RFX4: variants seen among roughly 807,000 people sequenced by gnomAD.
RFX4 encodes the protein transcription factor RFX4.
Under a neutral mutation model 95.0 loss-of-function variants are expected in RFX4, and 10 were observed. That is an observed-to-expected ratio of 0.11 (90% confidence interval 0.06 to 0.18). The LOEUF (loss-of-function observed/expected upper bound fraction) is 0.18. Among genes scored for constraint, RFX4 ranks in the 10% least tolerant of loss-of-function variants. The probability of loss-of-function intolerance (pLI) is 1.00; values close to 1 mark genes in which losing one functional copy is unlikely to be tolerated. For synonymous variants in RFX4, 321 were observed against 340.7 expected (o/e 0.94, Z 0.64); for missense variants, 640 against 922.0 (o/e 0.69, Z 3.96).
At chr12:106,653,291 G>T (rs957451578) in intron 3 of RFX4, among the ~76,000 whole-genome samples, 1 of 152,134 alleles carries the variant, frequency 6.6e-6, no homozygotes, top group Admixed American at 6.6e-5. Flanking sequence ...TTTAGCACAC[G>T]GTCAGGACAT....
chr12:106,744,221 G>A (rs528856778), intron 15 of RFX4, among the ~76,000 whole-genome samples: 9 of 152,260 alleles, frequency 5.9e-5, no homozygotes, highest in African/African-American at 2.2e-4. Flanking sequence ...TATAAATCAA[G>A]CCTAACATGT....
intron 4 of RFX4, among the ~76,000 whole-genome samples, chr12:106,678,293 G>A (rs1181086295): frequency 6.6e-6 from 1 of 152,124 alleles, no homozygotes; most frequent in African/African-American, 2.4e-5. Context: ...CAAGGGCTTG[G>A]CCTGTGTTGC....
chr12:106,619,432 A>C (rs1308235906), intron 2 of RFX4, among the ~76,000 whole-genome samples: 1 of 152,188 alleles, frequency 6.6e-6, no homozygotes, highest in African/African-American at 2.4e-5. Flanking sequence ...GGGTCCAAAA[A>C]TGTCTATTGA....
chr12:106,677,746 A>AT (rs2041422382), intron 4 of RFX4, among the ~76,000 whole-genome samples: 1 of 152,134 alleles, frequency 6.6e-6, no homozygotes, highest in South Asian at 2.1e-4. Flanking sequence ...TGAGGCAACA[A>AT]GACTGGTGGC....
At chr12:106,622,939 C>T (rs1592861857) in intron 2 of RFX4, among the ~76,000 whole-genome samples, 1 of 151,460 alleles carries the variant, frequency 6.6e-6, no homozygotes. Flanking sequence ...TTTTTTCCCC[C>T]TAGCAGGTGT....
Position 106,762,697 on chromosome 12 carries a change from C to T in RFX4, c.*1228C>T, listed in dbSNP as rs916893428. ...TCTGTAAATAAAATCTTTGATCACA[C>T]CACTCAGTGTGATAATTGTGTCTAC... On this transcript the variant is annotated 3_prime_UTR_variant, in exon 18 of 18. Coordinates refer to ENST00000392842, the MANE Select transcript of RFX4 (RefSeq NM_213594.3). 1 of 152,494 alleles carries T rather than the reference C, an allele frequency of 6.6e-6. No homozygotes were observed. The highest frequency in any genetic ancestry group is 1.5e-5 in the Non-Finnish European group (1 of 68,036). 9.4% of individuals were successfully genotyped at this position (152,494 alleles called of 1,614,324 possible). A position where few individuals can be genotyped will look rare whatever the true frequency, so the allele number is the denominator to read the frequency against.
intron 2 of RFX4, among the ~76,000 whole-genome samples, chr12:106,624,619 G>T (rs900790232): frequency 4.6e-5 from 7 of 152,024 alleles, no homozygotes; most frequent in African/African-American, 1.7e-4. Context: ...GAGCCACCTC[G>T]CCCGGGCTTT....
intron 4 of RFX4, among the ~76,000 whole-genome samples, chr12:106,655,150 C>T (rs991424190): frequency 3.3e-5 from 5 of 152,126 alleles, no homozygotes; most frequent in Non-Finnish European, 7.3e-5. Flanking sequence ...ATTCCCTTTT[C>T]AGATCCCCAA....
chr12:106,714,865 A>T (rs2042259142), intron 10 of RFX4: 1 of 152,686 alleles, frequency 6.5e-6, no homozygotes, highest in Non-Finnish European at 1.5e-5. Flanking sequence ...TCATTATAGC[A>T]ACATTTTAAA....
At chr12:106,760,448 C>T (rs1343886908) in intron 17 of RFX4, among the ~76,000 whole-genome samples, 3 of 152,172 alleles carry the variant, frequency 2.0e-5, no homozygotes, top group African/African-American at 7.2e-5. Flanking sequence ...TAGCTACTAA[C>T]ACCTGTTCCT....
rs141371042 is a variant in RFX4, at chr12:106,626,066, A to C, written c.131-13266A>C. ...ACTTGAATATTAACAATGCAAGGCC[A>C]TATGTGATTGACTTCATTCAAATGA... On this transcript the variant is annotated intron_variant, in intron 2 of 17. Transcript: ENST00000392842. Among the ~76,000 whole-genome samples the C allele has an allele frequency of 4.1e-4, 62 of 152,336 alleles. 3 individuals carry two copies. In the East Asian group the frequency reaches 0.011, roughly 27 times the overall value.
chr12:106,699,889 A>C (rs1282459929), intron 8 of RFX4, among the ~76,000 whole-genome samples: 1 of 101,030 alleles, frequency 9.9e-6, no homozygotes, highest in Admixed American at 9.7e-5. Context: ...TCATGTAATT[A>C]AATATATGGT....
chr12:106,686,148 C>T (rs189253600), intron 5 of RFX4, among the ~76,000 whole-genome samples: 33 of 152,274 alleles, frequency 2.2e-4, no homozygotes, highest in African/African-American at 6.7e-4. Context: ...CGCGGTGGCT[C>T]ATGCCTGTAA....
intron 2 of RFX4, among the ~76,000 whole-genome samples, chr12:106,613,607 A>G (rs932911840): frequency 1.3e-5 from 2 of 151,988 alleles, no homozygotes; most frequent in African/African-American, 4.8e-5. Flanking sequence ...CAGGTGATCC[A>G]CCTTCCTTGG....
At chr12:106,714,106 C>G (rs1326623839) in intron 10 of RFX4, among the ~76,000 whole-genome samples, 1 of 128,900 alleles carries the variant, frequency 7.8e-6, no homozygotes, top group Non-Finnish European at 1.6e-5. Flanking sequence ...GTTCTAAACA[C>G]TTGCTTACAG....
chr12:106,675,611 TTTTA>T (rs2041377096), intron 4 of RFX4, among the ~76,000 whole-genome samples: 1 of 152,162 alleles, frequency 6.6e-6, no homozygotes, highest in African/African-American at 2.4e-5. Flanking sequence ...ATATACACAA[TTTTA>T]TTTGTCAACT....
intron 1 of RFX4, among the ~76,000 whole-genome samples, chr12:106,592,523 A>G (rs1236587715): frequency 2.0e-5 from 3 of 152,062 alleles, no homozygotes; most frequent in Non-Finnish European, 4.4e-5. Context: ...ATGTTGCACA[A>G]CCCTGATCGA....
Position 106,686,875 on chromosome 12 carries a change from G to A in RFX4, c.378-9G>A. On this transcript the variant is annotated splice_polypyrimidine_tract_variant and intron_variant, in intron 5 of 17. Coordinates refer to ENST00000392842, the MANE Select transcript of RFX4 (RefSeq NM_213594.3). The stretch of plus-strand genomic sequence containing the variant: ...TTTCTCTCTCTCCCTCCCTCCCCTT[G>A]TGGCCCAGGTACCATTACTATGGCA... 3.1e-6 allele frequency: 5 copies of A among 1,599,662 alleles called. No individual in the cohort carries two copies. The highest frequency in any genetic ancestry group is 2.2e-5 in the East Asian group (1 of 44,672).
chr12:106,611,704 G>A (rs2039964829), intron 2 of RFX4, among the ~76,000 whole-genome samples: 1 of 151,876 alleles, frequency 6.6e-6, no homozygotes, highest in Admixed American at 6.6e-5. Context: ...GTACAGACAG[G>A]GTTTCACCAT....
Sources: gnomAD v4.1 joint callset for allele counts (sites outside exome capture counted in the v4.1 genomes callset) on GRCh38, gnomAD v4.1.1 for gene constraint, MANE v1.5 for transcripts, NCBI Gene and HGNC (gene_info 2026-07-23, HGNC 2026-07-21) for gene names.